ASAP1: variants seen among roughly 807,000 people sequenced by gnomAD.
ASAP1 encodes the protein arf-GAP with SH3 domain, ANK repeat and PH domain-containing protein 1.
Under a neutral mutation model 145.2 loss-of-function variants are expected in ASAP1, and 43 were observed. The ratio of observed to expected loss-of-function variants is 0.30; its 90% CI spans 0.23 to 0.38. The LOEUF (loss-of-function observed/expected upper bound fraction) is 0.38. ASAP1 is among the 10% of genes least tolerant of loss of function. The pLI is 1.00. For synonymous variants in ASAP1, 546 were observed against 515.5 expected, an observed-to-expected ratio of 1.06 and a Z score of -0.80; for missense variants, 1,018 against 1,355.3, an observed-to-expected ratio of 0.75 and a Z score of 3.91.
intron 2 of ASAP1, among the ~76,000 whole-genome samples, chr8:130,370,276 T>TG (rs1482736832): frequency 6.6e-6 from 1 of 152,104 alleles, no homozygotes; most frequent in Admixed American, 6.5e-5. Flanking sequence ...CATTCCAGCC[T>TG]GGGGGGTGAC....
At chr8:130,175,122 C>T (rs1813862160) in intron 9 of ASAP1, among the ~76,000 whole-genome samples, 1 of 152,218 alleles carries the variant, frequency 6.6e-6, no homozygotes, top group African/African-American at 2.4e-5. Flanking sequence ...ACAACAATCC[C>T]AGTGGGTGTG....
rs566478516 is a variant in ASAP1 at position 130,223,086 on chromosome 8, A to C, written c.260-8385T>G. Reference sequence around the variant, plus strand: ...GGCCACTAAGAGGTAAAGGTGTCATAATTAATATAAAAGCTCTTTTGGAAA... The same window carrying C: ...GGCCACTAAGAGGTAAAGGTGTCATCATTAATATAAAAGCTCTTTTGGAAA... On this transcript the variant is annotated intron_variant, in intron 4 of 29. Coordinates refer to ENST00000518721, the MANE Select transcript of ASAP1 (RefSeq NM_018482.4). Among the ~76,000 whole-genome samples the C allele has an allele frequency of 1.9e-4, 29 of 152,328 alleles. 1 individual carries two copies. In the South Asian group the frequency reaches 6.0e-3, roughly 32 times the overall value.
chr8:130,073,823 G>T (rs2097455702), intron 27 of ASAP1, among the ~76,000 whole-genome samples: 2 of 152,292 alleles, frequency 1.3e-5, no homozygotes, highest in South Asian at 4.1e-4. Context: ...CCTCGTGATA[G>T]AACACACTAC....
At chr8:130,414,759 CTTT>C (rs548202897) in intron 1 of ASAP1, among the ~76,000 whole-genome samples, 14 of 140,310 alleles carry the variant, frequency 1.0e-4, no homozygotes, top group Non-Finnish European at 7.8e-5. Flanking sequence ...TTCTATAACT[CTTT>C]TTTTTTTTTT....
At chr8:130,418,377 G>A (rs371611897) in intron 1 of ASAP1, among the ~76,000 whole-genome samples, 5 of 152,058 alleles carry the variant, frequency 3.3e-5, no homozygotes, top group Admixed American at 2.6e-4. Context: ...GTGAAACCTC[G>A]TCTCTACTAA....
intron 4 of ASAP1, among the ~76,000 whole-genome samples, chr8:130,229,277 A>G (rs1020801763): frequency 6.6e-6 from 1 of 152,220 alleles, no homozygotes; most frequent in African/African-American, 2.4e-5. Context: ...GTGAACTAGA[A>G]ATAAAACTAA....
intron 3 of ASAP1, among the ~76,000 whole-genome samples, chr8:130,267,804 A>C (rs1820349672): frequency 6.6e-6 from 1 of 152,196 alleles, no homozygotes; most frequent in South Asian, 2.1e-4. Context: ...TCCCGTAAGT[A>C]GTCTATACAA....
intron 5 of ASAP1, chr8:130,208,779 T>C (rs936481839): frequency 1.1e-4 from 17 of 152,200 alleles, no homozygotes; most frequent in African/African-American, 4.1e-4. Flanking sequence ...TACATGGGGC[T>C]CTCGGATAAG....
intron 4 of ASAP1, among the ~76,000 whole-genome samples, chr8:130,234,091 A>C (rs574642804): frequency 1.3e-5 from 2 of 152,158 alleles, no homozygotes; most frequent in Non-Finnish European, 2.9e-5. Context: ...AACAAAGGTA[A>C]GAATCATTAT....
At chr8:130,178,726 A>C (rs1002047334) in intron 9 of ASAP1, among the ~76,000 whole-genome samples, 8 of 152,144 alleles carry the variant, frequency 5.3e-5, no homozygotes, top group Non-Finnish European at 7.3e-5. Context: ...TCTACTAACA[A>C]TACAAAAAAA....
At chr8:130,164,731 A>C (rs1177908169) in intron 11 of ASAP1, among the ~76,000 whole-genome samples, 1 of 152,238 alleles carries the variant, frequency 6.6e-6, no homozygotes, top group Non-Finnish European at 1.5e-5. Flanking sequence ...AATAGAAAAA[A>C]AATGAGTTTA....
At chr8:130,283,158 T>C (rs946386424) in intron 3 of ASAP1, among the ~76,000 whole-genome samples, 1 of 152,170 alleles carries the variant, frequency 6.6e-6, no homozygotes, top group Non-Finnish European at 1.5e-5. Context: ...GTAACTACTG[T>C]TGGAGAGAGG....
intron 5 of ASAP1, among the ~76,000 whole-genome samples, chr8:130,189,227 A>T (rs1183957846): frequency 6.6e-6 from 1 of 152,020 alleles, no homozygotes; most frequent in Non-Finnish European, 1.5e-5. Context: ...AACTACAGTC[A>T]CTCTGCTGTG....
At chr8:130,138,403 T>A (rs2097600425) in intron 13 of ASAP1, among the ~76,000 whole-genome samples, 1 of 152,180 alleles carries the variant, frequency 6.6e-6, no homozygotes, top group South Asian at 2.1e-4. Context: ...ACCTTTGATT[T>A]AGGAATGGAA....
At chr8:130,158,554 G>A (rs1188652065) in intron 12 of ASAP1, among the ~76,000 whole-genome samples, 1 of 151,984 alleles carries the variant, frequency 6.6e-6, no homozygotes, top group Non-Finnish European at 1.5e-5. Context: ...GAATAATGAA[G>A]ATTCTACTTA....
At chr8:130,376,204 C>T (rs745754647) in intron 2 of ASAP1, among the ~76,000 whole-genome samples, 21 of 152,340 alleles carry the variant, frequency 1.4e-4, no homozygotes, top group East Asian at 3.9e-4. Flanking sequence ...AACCACAAGG[C>T]GTGGAGATGT....
chr8:130,125,135 T>TG (rs2097572946), intron 17 of ASAP1, among the ~76,000 whole-genome samples: 2 of 152,216 alleles, frequency 1.3e-5, no homozygotes, highest in Non-Finnish European at 2.9e-5. Flanking sequence ...ATTCAGGTTC[T>TG]GCTCAAGGGT....
intron 3 of ASAP1, among the ~76,000 whole-genome samples, chr8:130,298,772 T>C (rs1822445131): frequency 1.3e-5 from 2 of 152,162 alleles, no homozygotes; most frequent in Admixed American, 1.3e-4. Flanking sequence ...CCTCTGGACA[T>C]CCTTCTTTGA....
chr8:130,148,752 G>C (rs1472895067), intron 13 of ASAP1, among the ~76,000 whole-genome samples: 2 of 152,088 alleles, frequency 1.3e-5, no homozygotes, highest in Non-Finnish European at 2.9e-5. Flanking sequence ...AATACTTTTA[G>C]TTAGAAAAAA....
Sources: gnomAD v4.1 joint callset for allele counts (sites outside exome capture counted in the v4.1 genomes callset) on GRCh38, gnomAD v4.1.1 for gene constraint, MANE v1.5 for transcripts, NCBI Gene and HGNC (gene_info 2026-07-23, HGNC 2026-07-21) for gene names.